Variants in INSR observed in about 807,000 individuals in gnomAD.
INSR encodes the protein insulin receptor, also known as IR.
INSR carries 67 observed loss-of-function variants against 142.6 expected under a neutral mutation model. The ratio of observed to expected loss-of-function variants is 0.47; its 90% CI spans 0.39 to 0.58. INSR has a LOEUF of 0.58. Ranked by LOEUF, INSR falls within the 20% of genes least tolerant of loss-of-function variation. The pLI, the probability that INSR is intolerant of heterozygous loss-of-function variation, is 0.00. For missense variants in INSR, 1,248 were observed against 1,833.2 expected (o/e 0.68, Z 5.83); for synonymous variants, 756 against 743.1 (o/e 1.02, Z -0.28).
At chr19:7,204,390 C>T (rs112674897) in intron 2 of INSR, among the ~76,000 whole-genome samples, 13 of 152,084 alleles carry the variant, frequency 8.5e-5, no homozygotes, top group African/African-American at 3.1e-4. Context: ...CTATAAGTTA[C>T]GAGAGTCTTC....
At chr19:7,187,154 T>C (rs775802823) in intron 2 of INSR, among the ~76,000 whole-genome samples, 1 of 151,934 alleles carries the variant, frequency 6.6e-6, no homozygotes, top group Non-Finnish European at 1.5e-5. Context: ...CGATCTCGGC[T>C]CACTGCAACC....
intron 2 of INSR, among the ~76,000 whole-genome samples, chr19:7,221,378 A>G (rs1441715564): frequency 3.6e-5 from 5 of 140,058 alleles, no homozygotes; most frequent in African/African-American, 1.3e-4. Flanking sequence ...TGTCAAAAAA[A>G]AGGAGGAGGA....
chr19:7,119,402 C>A lies in INSR; in HGVS notation c.3794+47G>T, dbSNP rs754238954. 8 of 1,612,250 alleles carry A rather than the reference C, an allele frequency of 5.0e-6. No individual in the cohort carries two copies. Among genetic ancestry groups the A allele is most frequent in the Non-Finnish European group, 6.8e-6 (8 of 1,178,574 alleles). ...CCAAGCACACGTGTAAAGGGCAATA[C>A]CCTTTCAACGAACACCTCACACACC... On this transcript the variant is annotated intron_variant, in intron 21 of 21. Coordinates refer to ENST00000302850, the MANE Select transcript of INSR (RefSeq NM_000208.4). The surrounding 1 kb of genome is among the most constrained non-coding windows in gnomAD (Gnocchi z 5.2).
intron 9 of INSR, among the ~76,000 whole-genome samples, chr19:7,156,782 CTTTTTTTTTTTTTT>C (rs746400499): frequency 1.6e-5 from 1 of 63,184 alleles, no homozygotes; most frequent in Non-Finnish European, 2.9e-5. Flanking sequence ...CTATTTCTCT[CTTTTTTTTTTTTTT>C]TTTTTTTTTT....
rs200231440 is a variant in INSR, at chr19:7,157,073, C to T, written c.2030-4146G>A. 2.8e-4 allele frequency among the ~76,000 whole-genome samples: 43 copies of T among 152,134 alleles called. No individual in the cohort carries two copies. The East Asian group carries it at 7.0e-3, about 25-fold the overall frequency. ...TCGGCTCACTGCAAGCTCTGCCTCC[C>T]GGGTTCACGCCATTCTCCTGCCTCA... On this transcript the variant is annotated intron_variant, in intron 9 of 21. Transcript: ENST00000302850.
At chr19:7,193,595 G>A (rs1974659115) in intron 2 of INSR, among the ~76,000 whole-genome samples, 1 of 151,894 alleles carries the variant, frequency 6.6e-6, no homozygotes. Flanking sequence ...ACAAAAAAGT[G>A]CCCTATTTTA....
chr19:7,145,212 C>T (rs1359223976), intron 11 of INSR, among the ~76,000 whole-genome samples: 2 of 150,530 alleles, frequency 1.3e-5, no homozygotes, highest in African/African-American at 5.0e-5. Context: ...ATACAACTTA[C>T]TCTTTTCCAT....
At chr19:7,122,172 A>C (rs1972508172) in intron 19 of INSR, among the ~76,000 whole-genome samples, 1 of 151,032 alleles carries the variant, frequency 6.6e-6, no homozygotes, top group African/African-American at 2.4e-5. Flanking sequence ...AAGCCGGTGC[A>C]GTGGCTCACG....
chr19:7,139,531 A>G (rs1973017147), intron 13 of INSR, among the ~76,000 whole-genome samples: 1 of 152,204 alleles, frequency 6.6e-6, no homozygotes, highest in Admixed American at 6.5e-5. Flanking sequence ...TAACTCATGA[A>G]TATGGATTAG....
chr19:7,154,723 G>A (rs1465541033), intron 9 of INSR, among the ~76,000 whole-genome samples: 6 of 151,154 alleles, frequency 4.0e-5, no homozygotes, highest in African/African-American at 1.2e-4. Context: ...CAGGAGGTCC[G>A]GACCATCCTA....
intron 2 of INSR, among the ~76,000 whole-genome samples, chr19:7,198,673 G>A (rs1974862834): frequency 6.6e-6 from 1 of 152,028 alleles, no homozygotes; most frequent in African/African-American, 2.4e-5. Context: ...CGAACTCGCC[G>A]GGCCAGTGCA....
At chr19:7,273,677 C>T (rs1391096515) in intron 1 of INSR, among the ~76,000 whole-genome samples, 2 of 151,768 alleles carry the variant, frequency 1.3e-5, no homozygotes, top group Non-Finnish European at 2.9e-5. Flanking sequence ...TGCCACCACA[C>T]CTGGCTAATT....
chr19:7,165,356 G>A (rs996448670), intron 8 of INSR, among the ~76,000 whole-genome samples: 2 of 152,048 alleles, frequency 1.3e-5, no homozygotes, highest in South Asian at 2.1e-4. Context: ...AAAACAAAAA[G>A]AAGTAACAAG....
chr19:7,229,324 G>GGATA (rs56126647), intron 2 of INSR, among the ~76,000 whole-genome samples: 18,021 of 57,944 alleles, frequency 0.31, 1,318 homozygotes, highest in Non-Finnish European at 0.38. Context: ...ATGGATGGAT[G>GGATA]GATGGATAGA....
chr19:7,172,842 G>A lies in INSR; in HGVS notation c.1124-408C>T, dbSNP rs1250585801. 2.0e-5 allele frequency among the ~76,000 whole-genome samples: 3 copies of A among 148,912 alleles called. No homozygotes were observed. In the Admixed American group the frequency reaches 2.0e-4, roughly 10 times the overall value. ...GAGGTCAGGAGTTCAAGACCACCCTGGCCAACATGGTGAAACCCTGTCTCT... is the reference window on the plus strand; with the variant it reads ...GAGGTCAGGAGTTCAAGACCACCCTAGCCAACATGGTGAAACCCTGTCTCT... On this transcript the variant is annotated intron_variant, in intron 4 of 21. Transcript: ENST00000302850.
intron 2 of INSR, among the ~76,000 whole-genome samples, chr19:7,250,435 A>G (rs1976681112): frequency 1.7e-5 from 2 of 118,106 alleles, no homozygotes; most frequent in South Asian, 2.7e-4. Flanking sequence ...GGAAGAAAGA[A>G]GAAAAGAAAG....
rs759749789 is a variant in INSR, at chr19:7,120,600, C to CCCATCCA, written c.3659+13_3659+19dup. On this transcript the variant is annotated intron_variant, in intron 20 of 21. Coordinates refer to ENST00000302850, the MANE Select transcript of INSR (RefSeq NM_000208.4). ...GGAATTCAAGCCCAGCGTCCATCCA[C>CCCATCCA]CCATCCACACACAACTCACCACATG... 1.2e-6 allele frequency: 2 copies of CCCATCCA among 1,613,810 alleles called. No homozygotes were observed. Among genetic ancestry groups the CCCATCCA allele is most frequent in the South Asian group, 2.2e-5 (2 of 91,070 alleles).
At chr19:7,151,176 C>CTTTCT (rs1457209274) in intron 10 of INSR, among the ~76,000 whole-genome samples, 1 of 8,624 alleles carries the variant, frequency 1.2e-4, no homozygotes. Flanking sequence ...TTCTTTCTTT[C>CTTTCT]TTTCTTTCTT....
chr19:7,276,919 C>T (rs1475095875), intron 1 of INSR, among the ~76,000 whole-genome samples: 1 of 152,046 alleles, frequency 6.6e-6, no homozygotes, highest in Non-Finnish European at 1.5e-5. Context: ...TTAGTAGAGA[C>T]AGGGTTTTGC....
Sources: allele counts gnomAD v4.1 joint callset (sites outside exome capture counted in the v4.1 genomes callset), GRCh38; gene constraint gnomAD v4.1.1; non-coding constraint Gnocchi (gnomAD v3.1); transcripts MANE v1.5; gene names NCBI Gene and HGNC (gene_info 2026-07-23, HGNC 2026-07-21).